The following ARPP21 variants were observed in gnomAD, a reference collection of about 807,000 sequenced individuals.
The protein encoded by ARPP21 is cAMP regulated phosphoprotein 21.
A neutral mutation model predicts 113.2 loss-of-function variants in ARPP21; 69 were observed. The observed-to-expected ratio is 0.61, with a 90% CI of 0.50 to 0.74. The LOEUF (loss-of-function observed/expected upper bound fraction) is 0.74. Among genes scored for constraint, ARPP21 ranks in the 30% least tolerant of loss-of-function variants. The probability of loss-of-function intolerance (pLI) is 0.00; values close to 1 mark genes in which losing one functional copy is unlikely to be tolerated. For synonymous variants in ARPP21, 368 were observed against 375.5 expected, an observed-to-expected ratio of 0.98 and a Z score of 0.23; for missense variants, 1,070 against 1,037.4, an observed-to-expected ratio of 1.03 and a Z score of -0.43.
intron 1 of ARPP21, among the ~76,000 whole-genome samples, chr3:35,654,202 A>G (rs189753855): frequency 7.9e-5 from 12 of 152,180 alleles, no homozygotes; most frequent in Admixed American, 5.9e-4. Flanking sequence ...TTAAAGATGC[A>G]TATTAAGTGA....
intron 19 of ARPP21, among the ~76,000 whole-genome samples, chr3:35,747,160 G>A (rs986515563): frequency 1.3e-5 from 2 of 152,076 alleles, no homozygotes; most frequent in Non-Finnish European, 2.9e-5. Flanking sequence ...AGACCAGCCT[G>A]ACCAACAGGG....
At chr3:35,653,288 A>T (rs1022198506) in intron 1 of ARPP21, among the ~76,000 whole-genome samples, 1 of 151,858 alleles carries the variant, frequency 6.6e-6, no homozygotes. Context: ...AAGTTATTTC[A>T]TCCTTAATTT....
chr3:35,731,887 C>T (rs190094848), intron 15 of ARPP21, among the ~76,000 whole-genome samples: 93 of 152,276 alleles, frequency 6.1e-4, no homozygotes, highest in African/African-American at 2.2e-3. Flanking sequence ...ATTTGAACTG[C>T]CCTTGGGCTC....
intron 2 of ARPP21, 167 bp from the exon 3 acceptor site, chr3:35,681,546 TC>T: frequency 1.9e-6 from 1 of 533,036 alleles, no homozygotes. Flanking sequence ...TGCATCTGCC[TC>T]TTGTGCATGC....
intron 19 of ARPP21, among the ~76,000 whole-genome samples, chr3:35,754,721 G>C (rs1485418411): frequency 6.6e-6 from 1 of 151,916 alleles, no homozygotes; most frequent in African/African-American, 2.4e-5. Flanking sequence ...CCCCTAGGAG[G>C]TTACAGTAAA....
rs956566222 is a variant in ARPP21 at position 35,679,934 on chromosome 3, A to G, written c.-65A>G. 1 of 152,144 alleles carries G rather than the reference A, an allele frequency of 6.6e-6. No individual in the cohort carries two copies. The highest frequency in any genetic ancestry group is 2.4e-5 in the African/African-American group (1 of 41,320). The allele number at this position is 152,144 out of a possible 1,614,324, so 9.4% of individuals were successfully genotyped here. On this transcript the variant is annotated 5_prime_UTR_variant, in exon 2 of 21. Transcript: ENST00000684406. ...CAGAAGCCGCTAGTAAGTCGCCAAG[A>G]CCTACAGCAGGAATTCTGCACCAAA...
At chr3:35,786,395 G>A (rs1042056400) in intron 19 of ARPP21, among the ~76,000 whole-genome samples, 1 of 151,962 alleles carries the variant, frequency 6.6e-6, no homozygotes, top group East Asian at 1.9e-4. Context: ...GGTGGTGCGT[G>A]CCTGTTTTCC....
intron 14 of ARPP21, among the ~76,000 whole-genome samples, chr3:35,728,680 A>G (rs1028865417): frequency 2.0e-5 from 3 of 152,160 alleles, no homozygotes; most frequent in Admixed American, 2.0e-4. Context: ...ACATTCTGCT[A>G]AACCATGCCA....
chr3:35,771,834 G>A (rs1175565527), intron 19 of ARPP21, among the ~76,000 whole-genome samples: 1 of 152,074 alleles, frequency 6.6e-6, no homozygotes, highest in Admixed American at 6.6e-5. Flanking sequence ...GAAAATCATG[G>A]CATAATCATA....
At chr3:35,684,121 C>G in intron 5 of ARPP21, 1 of 1,507,372 alleles carries the variant, frequency 6.6e-7, no homozygotes, top group Non-Finnish European at 8.9e-7. Context: ...CAAAGGCTCT[C>G]TTTTGATAAG....
At position 35,739,523 on chromosome 3, in the gene ARPP21, C is replaced by T; in HGVS notation, c.1956C>T (p.Val652=). Residue 652 remains valine, a synonymous_variant, in exon 18 of 21, where the codon GTC becomes GTT. Coordinates refer to ENST00000684406, the MANE Select transcript of ARPP21 (RefSeq NM_001385562.1). ...SGSGPPISQQ[V]LQPPPSPQGF... ...CTGGCCCTCCCATCTCCCAGCAGGT[C>T]CTCCAGCCCCCTCCCTCACCACAGG... 1 of 1,614,096 alleles carries T rather than the reference C, an allele frequency of 6.2e-7. No individual in the cohort carries two copies. The highest frequency in any genetic ancestry group is 8.5e-7 in the Non-Finnish European group (1 of 1,179,994).
Position 35,737,160 on chromosome 3 carries a change from GT to G in ARPP21, c.1460-16del. On this transcript the variant is annotated splice_polypyrimidine_tract_variant and intron_variant, in intron 15 of 20. Coordinates refer to ENST00000684406, the MANE Select transcript of ARPP21 (RefSeq NM_001385562.1). ...AGATTGAGAAGCTTACCTGGACTAA[GT>G]TCTGATTCCATTGCAGGCCAGCCCT... is the stretch of plus-strand genomic sequence containing the variant. 1 of 1,543,840 alleles carries G rather than the reference GT, an allele frequency of 6.5e-7. No individual in the cohort carries two copies. The highest frequency in any genetic ancestry group is 8.9e-7 in the Non-Finnish European group (1 of 1,120,998).
At chr3:35,710,503 T>C (rs1157274004) in intron 11 of ARPP21, among the ~76,000 whole-genome samples, 1 of 151,156 alleles carries the variant, frequency 6.6e-6, no homozygotes, top group East Asian at 1.9e-4. Context: ...AATTCATTTT[T>C]TGTTCTTATT....
At chr3:35,721,453 T>C in intron 13 of ARPP21, 152 bp from the exon 14 acceptor site, 1 of 608,558 alleles carries the variant, frequency 1.6e-6, no homozygotes, top group Non-Finnish European at 3.0e-6. Flanking sequence ...AAAGTATTTG[T>C]AACACTGGGA....
At position 35,766,831 on chromosome 3, in the gene ARPP21, A is replaced by ATGTG. The variant is rs10662640; in HGVS notation, c.2137+22884_2137+22887dup. On this transcript the variant is annotated intron_variant, in intron 19 of 20. Coordinates refer to ENST00000684406, the MANE Select transcript of ARPP21 (RefSeq NM_001385562.1). ...CAATTAAGAAGCTCATATTATACAT[A>ATGTG]TGTGTGTGTGTGTGTGTGTGTACAT... Among the ~76,000 whole-genome samples, 891 of 149,982 alleles carry ATGTG rather than the reference A, an allele frequency of 5.9e-3. 13 individuals carry two copies. The highest frequency in any genetic ancestry group is 0.019 in the African/African-American group (774 of 41,016).
intron 1 of ARPP21, among the ~76,000 whole-genome samples, chr3:35,658,901 C>T (rs1706312643): frequency 6.6e-6 from 1 of 152,024 alleles, no homozygotes; most frequent in Non-Finnish European, 1.5e-5. Flanking sequence ...CAATTAGCAG[C>T]TTCATGAATT....
chr3:35,783,442 C>T (rs981181055), intron 19 of ARPP21, among the ~76,000 whole-genome samples: 20 of 151,974 alleles, frequency 1.3e-4, no homozygotes, highest in African/African-American at 4.8e-4. Context: ...TTTCTTTCAC[C>T]CCCTCCTTGC....
intron 14 of ARPP21, among the ~76,000 whole-genome samples, chr3:35,725,219 G>A (rs1459057797): frequency 1.3e-5 from 2 of 152,180 alleles, no homozygotes; most frequent in African/African-American, 4.8e-5. Context: ...GAAATTGAGA[G>A]ATAGGGGCTC....
At chr3:35,682,789 T>C (rs1383012118) in intron 3 of ARPP21, 59 bp from the exon 4 acceptor site, 24 of 1,489,930 alleles carry the variant, frequency 1.6e-5, no homozygotes, top group Middle Eastern at 4.1e-4. Flanking sequence ...GGTTGTTGAT[T>C]TACTGTTCGT....
Sources: gnomAD v4.1 joint callset for allele counts (sites outside exome capture counted in the v4.1 genomes callset) on GRCh38, gnomAD v4.1.1 for gene constraint, MANE v1.5 for transcripts, NCBI Gene and HGNC (gene_info 2026-07-23, HGNC 2026-07-21) for gene names.